The following ASTN2 variants were observed in gnomAD, a reference collection of about 807,000 sequenced individuals.
ASTN2 encodes the protein astrotactin-2.
In ASTN2, 54 loss-of-function variants were observed where a neutral mutation model predicts 139.8. The ratio of observed to expected loss-of-function variants is 0.39; its 90% CI spans 0.31 to 0.48. ASTN2 has a LOEUF of 0.48. Ranked by LOEUF, ASTN2 falls within the 20% of genes least tolerant of loss-of-function variation. The probability of loss-of-function intolerance (pLI) is 0.95; values close to 1 mark genes in which losing one functional copy is unlikely to be tolerated. For synonymous variants in ASTN2, 756 were observed against 719.5 expected (o/e 1.05, Z -0.81); for missense variants, 1,565 against 1,725.1 (o/e 0.91, Z 1.64).
At chr9:117,089,603 T>A (rs561225820) in intron 5 of ASTN2, among the ~76,000 whole-genome samples, 193 of 152,236 alleles carry the variant, frequency 1.3e-3, no homozygotes, top group African/African-American at 4.4e-3. Context: ...TAGTGGTGAT[T>A]TCTGAGATTT....
intron 20 of ASTN2, among the ~76,000 whole-genome samples, chr9:116,483,390 A>C (rs1588102222): frequency 6.6e-6 from 1 of 152,306 alleles, no homozygotes. Flanking sequence ...GGCACTGTGT[A>C]AATTTACATG....
At position 117,003,953 on chromosome 9, in the gene ASTN2, C is replaced by CGCGCGCGTGTGTGTGTGTGTGT. The variant is rs1218309835; in HGVS notation, c.1591+4138_1591+4139insACACACACACACACACGCGCGC. Among the ~76,000 whole-genome samples, 411 of 146,262 alleles carry CGCGCGCGTGTGTGTGTGTGTGT rather than the reference C, an allele frequency of 2.8e-3. 2 individuals carry two copies. Among genetic ancestry groups the CGCGCGCGTGTGTGTGTGTGTGT allele is most frequent in the African/African-American group, 0.01 (385 of 38,272 alleles). ...TGTGTTTCTTTCACGCGCGCGCGCG[C>CGCGCGCGTGTGTGTGTGTGTGT]GTGTGTGTGTGTGTGTGTGTGTGTT... is the stretch of plus-strand genomic sequence containing the variant. On this transcript the variant is annotated intron_variant, in intron 7 of 22. Coordinates refer to ENST00000313400, the MANE Select transcript of ASTN2 (RefSeq NM_001365068.1).
chr9:116,801,920 C>G (rs1474086192), intron 13 of ASTN2, among the ~76,000 whole-genome samples: 1 of 152,014 alleles, frequency 6.6e-6, no homozygotes, highest in Non-Finnish European at 1.5e-5. Flanking sequence ...AATCAGGGCA[C>G]TTAGGCTCTG....
At chr9:116,959,057 C>T (rs1835804986) in intron 10 of ASTN2, among the ~76,000 whole-genome samples, 1 of 152,080 alleles carries the variant, frequency 6.6e-6, no homozygotes, top group Admixed American at 6.5e-5. Flanking sequence ...CCGACTACGG[C>T]AGTGAAGATG....
intron 10 of ASTN2, among the ~76,000 whole-genome samples, chr9:116,904,707 T>C (rs766214838): frequency 3.9e-5 from 6 of 152,222 alleles, no homozygotes; most frequent in Non-Finnish European, 5.9e-5. Context: ...ACCTGTTGAA[T>C]GGTATCTATG....
intron 10 of ASTN2, among the ~76,000 whole-genome samples, chr9:116,888,511 G>C (rs1244970223): frequency 2.0e-5 from 3 of 151,744 alleles, no homozygotes. Flanking sequence ...TTCTCCAGAG[G>C]TTCTTTCTTT....
chr9:117,388,257 C>T (rs963219837), intron 1 of ASTN2, among the ~76,000 whole-genome samples: 6 of 152,272 alleles, frequency 3.9e-5, no homozygotes, highest in Non-Finnish European at 8.8e-5. Context: ...ATTCCTAGAC[C>T]CACCTTTCAA....
chr9:116,963,167 G>A (rs990028258), intron 10 of ASTN2, among the ~76,000 whole-genome samples: 4 of 152,186 alleles, frequency 2.6e-5, no homozygotes, highest in Non-Finnish European at 5.9e-5. Flanking sequence ...ACATAGCAAT[G>A]AGGTGCCTAT....
At chr9:116,498,865 TAAAC>T (rs1247338597) in intron 19 of ASTN2, among the ~76,000 whole-genome samples, 2 of 152,200 alleles carry the variant, frequency 1.3e-5, no homozygotes, top group Non-Finnish European at 2.9e-5. Flanking sequence ...ATAGCCATCT[TAAAC>T]AAAGCAGAAT....
intron 3 of ASTN2, among the ~76,000 whole-genome samples, chr9:117,146,856 A>C (rs1457283760): frequency 6.6e-6 from 1 of 152,212 alleles, no homozygotes; most frequent in East Asian, 1.9e-4. Flanking sequence ...TGACTGTAGT[A>C]AACAATAATT....
At chr9:117,198,500 T>G (rs1265586057) in intron 3 of ASTN2, among the ~76,000 whole-genome samples, 1 of 152,208 alleles carries the variant, frequency 6.6e-6, no homozygotes, top group Non-Finnish European at 1.5e-5. Context: ...CCATGGTGGT[T>G]TGCTGCACCC....
intron 15 of ASTN2, 145 bp from the exon 16 acceptor site, chr9:116,726,095 A>G: frequency 1.5e-6 from 1 of 658,404 alleles, no homozygotes. Context: ...ACTAGTCCAA[A>G]CATATACATA....
chr9:117,104,117 C>T (rs1829047340), intron 4 of ASTN2, among the ~76,000 whole-genome samples: 1 of 152,166 alleles, frequency 6.6e-6, no homozygotes, highest in Admixed American at 6.5e-5. Context: ...TCTGATCCCC[C>T]AGGGAAGAAA....
intron 16 of ASTN2, among the ~76,000 whole-genome samples, chr9:116,681,368 T>C (rs1213484472): frequency 1.3e-5 from 2 of 152,064 alleles, no homozygotes; most frequent in African/African-American, 4.8e-5. Context: ...CTCAATGAAA[T>C]AAAAGAGGAT....
chr9:117,193,110 T>C (rs904236554), intron 3 of ASTN2, among the ~76,000 whole-genome samples: 4 of 152,134 alleles, frequency 2.6e-5, no homozygotes, highest in Non-Finnish European at 5.9e-5. Context: ...AACAAATGAA[T>C]GGTGAGGAAG....
chr9:116,726,039 G>C, intron 15 of ASTN2, 89 bp from the exon 16 acceptor site: 1 of 1,334,166 alleles, frequency 7.5e-7, no homozygotes, highest in Admixed American at 2.1e-5. Flanking sequence ...TTCCCAACCT[G>C]TATTTTGTGC....
chr9:116,853,765 C>T (rs1470842005), intron 11 of ASTN2, among the ~76,000 whole-genome samples: 1 of 152,184 alleles, frequency 6.6e-6, no homozygotes, highest in Non-Finnish European at 1.5e-5. Context: ...AAAAATCCAT[C>T]CCACACCTTC....
Position 117,320,646 on chromosome 9 carries a change from C to T in ASTN2, c.443-29133G>A, listed in dbSNP as rs1828296545. Among the ~76,000 whole-genome samples the T allele has an allele frequency of 1.3e-5, 2 of 152,110 alleles. 1 individual carries two copies. Among genetic ancestry groups the T allele is most frequent in the South Asian group, 4.1e-4 (2 of 4,828 alleles). ...TCTGCCCCTCCTTAGTGACTAGAAC[C>T]ACCACTTTGTGCCTCCTTTCAAGGC... On this transcript the variant is annotated intron_variant, in intron 1 of 22. Transcript: ENST00000313400.
At chr9:117,206,257 C>T (rs1022886431) in intron 3 of ASTN2, among the ~76,000 whole-genome samples, 87 of 152,144 alleles carry the variant, frequency 5.7e-4, no homozygotes, top group Non-Finnish European at 4.3e-4. Flanking sequence ...GCACCATCCC[C>T]CTGGCCTGGA....
Sources: allele counts gnomAD v4.1 joint callset (sites outside exome capture counted in the v4.1 genomes callset), GRCh38; gene constraint gnomAD v4.1.1; transcripts MANE v1.5; gene names NCBI Gene and HGNC (gene_info 2026-07-23, HGNC 2026-07-21).